MYO3A: variants seen among roughly 807,000 people sequenced by gnomAD.
MYO3A encodes myosin-IIIa.
In MYO3A, 180 loss-of-function variants were observed where a neutral mutation model predicts 192.7. That is an observed-to-expected ratio of 0.93 (90% confidence interval 0.83 to 1.06). The LOEUF (loss-of-function observed/expected upper bound fraction) is 1.06. MYO3A is among the 50% of genes least tolerant of loss of function. The pLI is 0.00. For synonymous variants in MYO3A, 628 were observed against 645.3 expected (o/e 0.97, Z 0.41); for missense variants, 1,896 against 1,905.0 (o/e 1.00, Z 0.09).
intron 25 of MYO3A, among the ~76,000 whole-genome samples, chr10:26,156,051 C>A (rs1186738079): frequency 6.6e-6 from 1 of 152,138 alleles, no homozygotes; most frequent in African/African-American, 2.4e-5. Context: ...CTCAGAAAAA[C>A]CAGCGCCTAA....
chr10:26,066,284 C>G (rs1360727635), intron 10 of MYO3A, among the ~76,000 whole-genome samples: 1 of 152,052 alleles, frequency 6.6e-6, no homozygotes, highest in African/African-American at 2.4e-5. Context: ...TCCCCTTTTA[C>G]CAAGGGGCAA....
chr10:26,096,727 A>G (rs761910691), intron 17 of MYO3A, 45 bp downstream of exon 17: 2 of 1,289,882 alleles, frequency 1.6e-6, no homozygotes, highest in Non-Finnish European at 2.3e-6. Flanking sequence ...GTATCTTTTT[A>G]TCATCACTAA....
intron 6 of MYO3A, among the ~76,000 whole-genome samples, chr10:26,006,817 T>G (rs982920627): frequency 4.0e-5 from 6 of 151,610 alleles, no homozygotes; most frequent in African/African-American, 1.2e-4. Context: ...GAGGAACTGG[T>G]ACCATTCCTT....
chr10:26,063,000 G>A (rs900709686), intron 10 of MYO3A, among the ~76,000 whole-genome samples: 1 of 152,190 alleles, frequency 6.6e-6, no homozygotes, highest in African/African-American at 2.4e-5. Context: ...TTGGAAGCTT[G>A]AAAGGTAGAC....
At chr10:25,964,306 A>G (rs1373255776) in intron 4 of MYO3A, among the ~76,000 whole-genome samples, 4 of 152,176 alleles carry the variant, frequency 2.6e-5, no homozygotes, top group Non-Finnish European at 4.4e-5. Flanking sequence ...TTTACACACT[A>G]CAAAAGCACA....
chr10:26,046,512 C>T (rs72795804), intron 10 of MYO3A, among the ~76,000 whole-genome samples: 24,721 of 152,122 alleles, frequency 0.16, 2,294 homozygotes, highest in Non-Finnish European at 0.21. Flanking sequence ...AGCACATAAA[C>T]GGAACATTAA....
intron 17 of MYO3A, among the ~76,000 whole-genome samples, chr10:26,105,591 G>A (rs1203715484): frequency 6.6e-6 from 1 of 151,872 alleles, no homozygotes; most frequent in Non-Finnish European, 1.5e-5. Context: ...GAATATTATA[G>A]ACATTATATG....
chr10:25,949,228 A>G (rs983876548), intron 2 of MYO3A, among the ~76,000 whole-genome samples: 19 of 152,010 alleles, frequency 1.2e-4, no homozygotes, highest in Non-Finnish European at 2.4e-4. Context: ...TACTTTGCAC[A>G]TATTTGTTGT....
intron 10 of MYO3A, among the ~76,000 whole-genome samples, chr10:26,052,376 G>A (rs957086899): frequency 6.6e-6 from 1 of 152,172 alleles, no homozygotes; most frequent in Non-Finnish European, 1.5e-5. Context: ...CTTACTGGGG[G>A]CTTGGTCACT....
chr10:25,945,278 G>A (rs947002383), intron 2 of MYO3A, among the ~76,000 whole-genome samples: 5 of 152,104 alleles, frequency 3.3e-5, no homozygotes, highest in African/African-American at 9.6e-5. Context: ...GGCTTGTAAT[G>A]CAGTCAAACA....
chr10:26,200,138 C>A (rs1384277730), intron 32 of MYO3A, among the ~76,000 whole-genome samples: 1 of 152,180 alleles, frequency 6.6e-6, no homozygotes, highest in African/African-American at 2.4e-5. Flanking sequence ...GGTCTCCTCC[C>A]AGACTTGATG....
At chr10:26,167,928 A>G (rs551902152) in intron 27 of MYO3A, among the ~76,000 whole-genome samples, 62 of 152,310 alleles carry the variant, frequency 4.1e-4, no homozygotes, top group Non-Finnish European at 7.2e-4. Flanking sequence ...GATGAGTTTT[A>G]TTAGGAAATT....
At chr10:26,104,344 T>C (rs1223328144) in intron 17 of MYO3A, among the ~76,000 whole-genome samples, 1 of 152,202 alleles carries the variant, frequency 6.6e-6, no homozygotes, top group Non-Finnish European at 1.5e-5. Context: ...TAGGTCATTG[T>C]TCCATTTTGA....
chr10:25,996,513 T>C lies in MYO3A; in HGVS notation c.327T>C (p.Thr109=). The part of the protein sequence containing the change: ...VLELCSGGSV[T]DLVKGFLKRG... ...AGCTCTGCAGTGGAGGATCAGTGAC[T>C]GACCTTGTGAAAGGATTTCTGAAGA... The change falls in exon 5 of 35, where the codon ACT becomes ACC. Residue 109 remains threonine, a synonymous_variant. Transcript: ENST00000642920. 1 of 1,613,910 alleles carries C rather than the reference T, an allele frequency of 6.2e-7. No individual in the cohort carries two copies. Among genetic ancestry groups the C allele is most frequent in the Non-Finnish European group, 8.5e-7 (1 of 1,179,864 alleles).
chr10:26,110,672 G>A (rs1012709661), intron 17 of MYO3A, among the ~76,000 whole-genome samples: 1 of 152,104 alleles, frequency 6.6e-6, no homozygotes, highest in Non-Finnish European at 1.5e-5. Flanking sequence ...ACTTATCATG[G>A]ATACCTCGTG....
At chr10:26,145,741 C>T (rs1840425111) in intron 22 of MYO3A, among the ~76,000 whole-genome samples, 1 of 152,196 alleles carries the variant, frequency 6.6e-6, no homozygotes, top group African/African-American at 2.4e-5. Flanking sequence ...AGGCCAGACC[C>T]ACTCCAGGGC....
chr10:26,041,256 C>T (rs868138319), intron 10 of MYO3A, among the ~76,000 whole-genome samples: 3 of 152,024 alleles, frequency 2.0e-5, no homozygotes, highest in Middle Eastern at 3.4e-3. Context: ...TCTTTCCATT[C>T]CTTTATTTTC....
intron 34 of MYO3A, among the ~76,000 whole-genome samples, chr10:26,204,863 T>G (rs11819063): frequency 0.2 from 30,043 of 151,312 alleles, 3,160 homozygotes; most frequent in East Asian, 0.32. Flanking sequence ...TCAGATAAGG[T>G]TTTTTTTTCT....
At chr10:26,160,317 G>C (rs1437188664) in intron 26 of MYO3A, among the ~76,000 whole-genome samples, 1 of 152,182 alleles carries the variant, frequency 6.6e-6, no homozygotes, top group Non-Finnish European at 1.5e-5. Flanking sequence ...CCAAGGCCAA[G>C]AGAATGATAT....
Sources: gnomAD v4.1 joint callset for allele counts (sites outside exome capture counted in the v4.1 genomes callset) on GRCh38, gnomAD v4.1.1 for gene constraint, MANE v1.5 for transcripts, NCBI Gene and HGNC (gene_info 2026-07-23, HGNC 2026-07-21) for gene names.